Variants in HLTF observed in about 807,000 individuals in gnomAD.
HLTF encodes the protein DNA-dependent ATPase/E3 ubiquitin-protein ligase HLTF.
HLTF carries 127 observed loss-of-function variants against 129.4 expected under a neutral mutation model. That is an observed-to-expected ratio of 0.98 (90% CI 0.85 to 1.14). HLTF has a LOEUF of 1.14. Ranked by LOEUF, HLTF falls within the 50% of genes most tolerant of loss-of-function variation. The pLI is 0.00. For synonymous variants in HLTF, 332 were observed against 388.8 expected (o/e 0.85, Z 1.72); for missense variants, 1,139 against 1,187.1 (o/e 0.96, Z 0.60).
At position 149,031,756 on chromosome 3, in the gene HLTF, A is replaced by G. The variant is rs561441164; in HGVS notation, c.*464T>C. On this transcript the variant is annotated 3_prime_UTR_variant, in exon 25 of 25. Coordinates refer to ENST00000310053, the MANE Select transcript of HLTF (RefSeq NM_003071.4). ...TGCAAATATGGTTTTTGAAAGCCCAATAAAATTAATTCTTGTATAGTCTGT... is the reference window on the plus strand; with the variant it reads ...TGCAAATATGGTTTTTGAAAGCCCAGTAAAATTAATTCTTGTATAGTCTGT... 3.3e-5 allele frequency: 5 copies of G among 152,310 alleles called. No individual in the cohort carries two copies. The East Asian group carries it at 7.7e-4, about 24-fold the overall frequency. The allele number at this position is 152,310 out of a possible 1,614,324, so 9.4% of individuals were successfully genotyped here.
chr3:149,048,942 T>A lies in HLTF; in HGVS notation c.1677A>T (p.Gly559=), dbSNP rs147298547. The stretch of plus-strand genomic sequence containing the variant: ...GAGCATTTGGATTTCGTATGGCATG[T>A]CCTTCATCCAGGATCACTCTTAGCC... ...IRWLRVILDE[G]HAIRNPNAQQ... The change falls in exon 16 of 25, where the codon GGA becomes GGT. Residue 559 remains glycine, a synonymous_variant. Coordinates refer to ENST00000310053, the MANE Select transcript of HLTF (RefSeq NM_003071.4). The A allele has an allele frequency of 9.3e-5, 150 of 1,610,666 alleles. No homozygotes were observed. Among genetic ancestry groups the A allele is most frequent in the Non-Finnish European group, 1.2e-4 (143 of 1,177,062 alleles).
intron 13 of HLTF, among the ~76,000 whole-genome samples, chr3:149,057,426 AAAAC>A (rs538092577): frequency 2.1e-4 from 32 of 152,136 alleles, no homozygotes; most frequent in South Asian, 6.2e-4. Context: ...ACTCCGTCTC[AAAAC>A]AAACAAACAA....
At chr3:149,074,829 G>C (rs1325750987) in intron 3 of HLTF, among the ~76,000 whole-genome samples, 1 of 152,002 alleles carries the variant, frequency 6.6e-6, no homozygotes, top group Non-Finnish European at 1.5e-5. Context: ...ACTCACCTAG[G>C]ATTATATGAA....
In HLTF at chr3:149,075,896, A is replaced by C. The variant is rs1279538293; in HGVS notation, c.380T>G (p.Leu127Trp). The C allele has an allele frequency of 6.3e-7, 1 of 1,596,986 alleles. No homozygotes were observed. Among genetic ancestry groups the C allele is most frequent in the Non-Finnish European group, 8.5e-7 (1 of 1,173,826 alleles). The change falls in exon 3 of 25, where the codon TTG becomes TGG. Residue 127 changes from leucine (L) to tryptophan (W), a missense_variant. Coordinates refer to ENST00000310053, the MANE Select transcript of HLTF (RefSeq NM_003071.4). ...GALAYIMDNK[L>W]AQIEGVVPFG... The stretch of plus-strand genomic sequence containing the variant: ...AGTACATTACCCTTCAATTTGTGCC[A>C]ATTTGTTGTCCATGATATAGGCCAA...
rs1718567703 is a variant in HLTF, at chr3:149,068,244, T to C, written c.986A>G (p.Lys329Arg). The change falls in exon 8 of 25, where the codon AAG (lysine) becomes AGG (arginine). Residue 329 changes from lysine (K) to arginine (R), a missense_variant. By Grantham distance (26) the Lys-to-Arg change is conservative (BLOSUM62 2). Transcript: ENST00000310053. The stretch of plus-strand genomic sequence containing the variant: ...GCGCACTTACTACTACTTTACCTTC[T>C]TCAGTAGATTCTTTTTAACTCTTTC... ...PIERVKKNLL[K>R]KEYNVNDDSM... 6.8e-7 allele frequency: 1 copy of C among 1,460,764 alleles called. No individual in the cohort carries two copies. Among genetic ancestry groups the C allele is most frequent in the Admixed American group, 1.8e-5 (1 of 54,806 alleles). The allele number at this position is 1,460,764 out of a possible 1,614,324, so 90.5% of individuals were successfully genotyped here.
Position 149,048,098 on chromosome 3 carries a change from A to C in HLTF, c.1822T>G (p.Phe608Val), listed in dbSNP as rs753335244. The change falls in exon 17 of 25, where the codon TTT becomes GTT. Residue 608 changes from phenylalanine (F) to valine (V), a missense_variant. By Grantham distance (50) the Phe-to-Val change is conservative (BLOSUM62 -1). Transcript: ENST00000310053. ...SLLSFLKLKPFIDREWWHRTI... is the reference protein window; with the variant it reads ...SLLSFLKLKPVIDREWWHRTI... ...CTATGCCACCATTCTCTATCAATAA[A>C]TGGTTTAAGTTTTAAAAAGGAAAGA... 6.2e-7 allele frequency: 1 copy of C among 1,613,180 alleles called. No homozygotes were observed. Among genetic ancestry groups the C allele is most frequent in the East Asian group, 2.2e-5 (1 of 44,822 alleles).
chr3:149,045,592 T>C (rs1459872462), intron 18 of HLTF, among the ~76,000 whole-genome samples: 2 of 152,226 alleles, frequency 1.3e-5, no homozygotes, highest in African/African-American at 2.4e-5. Flanking sequence ...AAACCTGCTT[T>C]GTACCTACCT....
Position 149,058,889 on chromosome 3 carries a change from T to C in HLTF, c.1375+829A>G, listed in dbSNP as rs137933838. ...TGGTTTCTAATGTGTAATTTAATTC[T>C]ATCTCAACCGAAATTTCCACATTTC... On this transcript the variant is annotated intron_variant, in intron 13 of 24. Coordinates refer to ENST00000310053, the MANE Select transcript of HLTF (RefSeq NM_003071.4). Among the ~76,000 whole-genome samples the C allele has an allele frequency of 4.6e-5, 7 of 152,366 alleles. No homozygotes were observed. The East Asian group carries it at 1.2e-3, about 25-fold the overall frequency.
intron 23 of HLTF, among the ~76,000 whole-genome samples, chr3:149,037,688 A>C (rs1200395500): frequency 6.6e-6 from 1 of 152,182 alleles, no homozygotes; most frequent in Non-Finnish European, 1.5e-5. Flanking sequence ...TCCTACATGT[A>C]TCTCAGTAGA....
At chr3:149,040,972 A>G (rs2107965397) in intron 20 of HLTF, among the ~76,000 whole-genome samples, 1 of 152,286 alleles carries the variant, frequency 6.6e-6, no homozygotes, top group Admixed American at 6.5e-5. Flanking sequence ...CTACCACACA[A>G]AAGAATCTAG....
At chr3:149,041,770 CTCA>C (rs1427169361) in intron 19 of HLTF, 102 bp from the exon 20 acceptor site, 1 of 812,080 alleles carries the variant, frequency 1.2e-6, no homozygotes, top group Non-Finnish European at 1.9e-6. Flanking sequence ...GGGAAAGTCT[CTCA>C]TCATTTTCTG....
chr3:149,071,700 T>C (rs1165671531), intron 5 of HLTF, 43 bp from the exon 6 acceptor site: 2 of 1,153,526 alleles, frequency 1.7e-6, no homozygotes, highest in Non-Finnish European at 2.5e-6. Flanking sequence ...ACAAACTAAT[T>C]AAAATAATAC....
At chr3:149,074,142 A>T in intron 4 of HLTF, 73 bp downstream of exon 4, 1 of 1,455,558 alleles carries the variant, frequency 6.9e-7, no homozygotes, top group Non-Finnish European at 9.2e-7. Context: ...ACAAACTCCA[A>T]GAGAGAATAA....
At chr3:149,056,139 C>G (rs950459492) in intron 13 of HLTF, among the ~76,000 whole-genome samples, 1 of 152,190 alleles carries the variant, frequency 6.6e-6, no homozygotes, top group Non-Finnish European at 1.5e-5. Context: ...ACTGCAACCT[C>G]GTAAGAGACC....
At chr3:149,071,122 C>T (rs1163396382) in intron 7 of HLTF, 130 bp downstream of exon 7, 1 of 550,560 alleles carries the variant, frequency 1.8e-6, no homozygotes, top group Non-Finnish European at 3.1e-6. Flanking sequence ...AAACTGTGTT[C>T]TACAAAGATA....
chr3:149,082,802 T>C (rs779366897), intron 2 of HLTF, among the ~76,000 whole-genome samples: 34 of 152,228 alleles, frequency 2.2e-4, no homozygotes, highest in Non-Finnish European at 3.5e-4. Flanking sequence ...ATAGATGATA[T>C]TCCTAATCAC....
chr3:149,066,981 A>T (rs1470127250), intron 8 of HLTF, among the ~76,000 whole-genome samples: 2 of 152,166 alleles, frequency 1.3e-5, no homozygotes, highest in Non-Finnish European at 2.9e-5. Flanking sequence ...AAAAACTAGG[A>T]AGAATGGTAA....
At position 149,068,321 on chromosome 3, in the gene HLTF, C is replaced by T. The variant is rs812249; in HGVS notation, c.909G>A (p.Thr303=). The change falls in exon 8 of 25, where the codon ACG becomes ACA. Residue 303 remains threonine (T), a synonymous_variant. Coordinates refer to ENST00000310053, the MANE Select transcript of HLTF (RefSeq NM_003071.4). The stretch of plus-strand genomic sequence containing the variant: ...AGTTGGTAAGGATTACTGCAATGGC[C>T]GTAAGAGTTTTACCCTTAAAAATGT... The part of the protein sequence containing the change: ...ADDMGLGKTL[T]AIAVILTNFH... The T allele has an allele frequency of 0.7, 1,047,315 of 1,496,004 alleles. 370,459 individuals carry two copies. The highest frequency in any genetic ancestry group is 0.84 in the African/African-American group (60,085 of 71,808). The allele number at this position is 1,496,004 out of a possible 1,614,324, so 92.7% of individuals were successfully genotyped here.
rs1716870031 is a variant in HLTF, at chr3:149,050,214, A to G, written c.1617+18T>C. ...CATTCAATCTTTAAAAGATCTGTTA[A>G]GTATCAACAATACTTACTCCATAGT... On this transcript the variant is annotated intron_variant, in intron 15 of 24. Transcript: ENST00000310053. 1 of 1,468,678 alleles carries G rather than the reference A, an allele frequency of 6.8e-7. No individual in the cohort carries two copies. 91.0% of individuals were successfully genotyped at this position (1,468,678 alleles called of 1,614,324 possible).
Sources: allele counts gnomAD v4.1 joint callset (sites outside exome capture counted in the v4.1 genomes callset), GRCh38; gene constraint gnomAD v4.1.1; transcripts MANE v1.5; gene names NCBI Gene and HGNC (gene_info 2026-07-23, HGNC 2026-07-21).